Variants in AKAP12 observed in about 807,000 individuals in gnomAD.
AKAP12 encodes A-kinase anchor protein 12.
A neutral mutation model predicts 79.9 loss-of-function variants in AKAP12; 32 were observed. That is an observed-to-expected ratio of 0.40 (90% CI 0.30 to 0.54). The LOEUF is 0.54. Among genes scored for constraint, AKAP12 ranks in the 20% least tolerant of loss-of-function variants. The pLI, the probability that AKAP12 is intolerant of heterozygous loss-of-function variation, is 0.48. For synonymous variants in AKAP12, 808 were observed against 857.0 expected, an observed-to-expected ratio of 0.94 and a Z score of 1.00; for missense variants, 2,074 against 2,177.0, an observed-to-expected ratio of 0.95 and a Z score of 0.94.
At chr6:151,302,460 G>A (rs1776883189) in intron 2 of AKAP12, among the ~76,000 whole-genome samples, 1 of 152,150 alleles carries the variant, frequency 6.6e-6, no homozygotes, top group Non-Finnish European at 1.5e-5. Flanking sequence ...GCCCGGCTCA[G>A]TAACATTTCT....
At chr6:151,337,708 G>A (rs1381197764) in intron 3 of AKAP12, among the ~76,000 whole-genome samples, 2 of 151,806 alleles carry the variant, frequency 1.3e-5, no homozygotes, top group African/African-American at 2.4e-5. Flanking sequence ...ATCAGTCCAC[G>A]GGTTTCTGTT....
At chr6:151,288,549 T>C (rs1776553062) in intron 2 of AKAP12, among the ~76,000 whole-genome samples, 1 of 152,098 alleles carries the variant, frequency 6.6e-6, no homozygotes, top group South Asian at 2.1e-4. Context: ...ACGAGCACAT[T>C]GGTTAAATGG....
In AKAP12 at chr6:151,352,439, C is replaced by G; in HGVS notation, c.4048C>G (p.Pro1350Ala). Residue 1350 changes from proline (P) to alanine (A), a missense_variant, in exon 4 of 5, where the codon CCA (proline) becomes GCA (alanine). This residue lies in a region of AKAP12 where 614 missense variants were observed against 665.6 expected (regional missense o/e 0.92). Transcript: ENST00000402676. ...QVEREKTEAE[P>A]THVNEEKLEH... ...CGAAAGGGAGAAAACAGAAGCAGAG[C>G]CAACCCATGTGAATGAAGAGAAGCT... 1 of 1,614,132 alleles carries G rather than the reference C, an allele frequency of 6.2e-7. No individual in the cohort carries two copies. The highest frequency in any genetic ancestry group is 8.5e-7 in the Non-Finnish European group (1 of 1,180,022).
intron 2 of AKAP12, among the ~76,000 whole-genome samples, chr6:151,283,882 A>T (rs1409548676): frequency 6.6e-6 from 1 of 152,186 alleles, no homozygotes; most frequent in Non-Finnish European, 1.5e-5. Context: ...ACATCGACCC[A>T]TTCTGTCCAC....
chr6:151,241,592 G>T (rs1796978282), intron 2 of AKAP12, among the ~76,000 whole-genome samples: 1 of 152,138 alleles, frequency 6.6e-6, no homozygotes, highest in Non-Finnish European at 1.5e-5. Context: ...CAGGACAGCC[G>T]CCAAGACTGT....
rs2114838192 is a variant in AKAP12, at chr6:151,356,391, G to A, written c.*677G>A. On this transcript the variant is annotated 3_prime_UTR_variant, in exon 5 of 5. Coordinates refer to ENST00000402676, the MANE Select transcript of AKAP12 (RefSeq NM_005100.4). ...TTTGAAACATACAGAATGTTCTATTGTCATTGGGAAATTTTTCTTTCTAAC... is the reference window on the plus strand; with the variant it reads ...TTTGAAACATACAGAATGTTCTATTATCATTGGGAAATTTTTCTTTCTAAC... The A allele has an allele frequency of 6.6e-6, 1 of 152,468 alleles. No individual in the cohort carries two copies. The highest frequency in any genetic ancestry group is 3.4e-3 in the Middle Eastern group (1 of 294). 9.4% of individuals were successfully genotyped at this position (152,468 alleles called of 1,614,324 possible). A position where few individuals can be genotyped will look rare whatever the true frequency, so the allele number is the denominator to read the frequency against.
intron 3 of AKAP12, chr6:151,325,956 C>A: frequency 5.0e-6 from 8 of 1,610,048 alleles, no homozygotes; most frequent in Non-Finnish European, 6.8e-6. Context: ...GGGCTTTCTT[C>A]CGTTGAATGA....
At chr6:151,276,114 T>C (rs868047228) in intron 2 of AKAP12, among the ~76,000 whole-genome samples, 2 of 152,266 alleles carry the variant, frequency 1.3e-5, no homozygotes, top group African/African-American at 2.4e-5. Flanking sequence ...AACATACTTT[T>C]GGTGTAGTTT....
chr6:151,333,615 C>T (rs1435505311), intron 3 of AKAP12, among the ~76,000 whole-genome samples: 5 of 151,668 alleles, frequency 3.3e-5, no homozygotes, highest in African/African-American at 4.8e-5. Context: ...TGGTGGCGGG[C>T]GCCTGTGGTC....
chr6:151,325,333 T>C, intron 3 of AKAP12: 1 of 985,444 alleles, frequency 1.0e-6, no homozygotes, highest in Non-Finnish European at 1.2e-6. Flanking sequence ...TTGAAATGAC[T>C]TAAAAAGCTG....
chr6:151,354,405 G>C (rs912274948), intron 4 of AKAP12, among the ~76,000 whole-genome samples: 1 of 150,310 alleles, frequency 6.7e-6, no homozygotes, highest in Non-Finnish European at 1.5e-5. Flanking sequence ...ACGGAGTCTC[G>C]CTCTGTCATC....
chr6:151,305,902 G>A lies in AKAP12; in HGVS notation c.318G>A (p.Glu106=), dbSNP rs1442697649. The change falls in exon 3 of 5, where the codon GAG becomes GAA. Residue 106 remains glutamate, a splice_region_variant and synonymous_variant. Coordinates refer to ENST00000402676, the MANE Select transcript of AKAP12 (RefSeq NM_005100.4). ...AGGAAGAAGAAGTCATTGTCACAGA[G>A]GGTAAGCCGCCCCTCCAGGAACTGG... The part of the protein sequence containing the change: ...SQEEEEVIVT[E]VGQRDSEDVS... 1 of 1,603,712 alleles carries A rather than the reference G, an allele frequency of 6.2e-7. No individual in the cohort carries two copies. The highest frequency in any genetic ancestry group is 1.7e-5 in the Admixed American group (1 of 58,044).
chr6:151,254,674 A>G (rs1306859341), intron 2 of AKAP12, among the ~76,000 whole-genome samples: 2 of 152,150 alleles, frequency 1.3e-5, no homozygotes, highest in Non-Finnish European at 2.9e-5. Flanking sequence ...ATAATACAGA[A>G]AGCTCATTTA....
At chr6:151,319,518 CTCTATA>C (rs1777319314) in intron 3 of AKAP12, 1 of 133,184 alleles carries the variant, frequency 7.5e-6, no homozygotes, top group African/African-American at 3.3e-5. Flanking sequence ...ATAGATATAT[CTCTATA>C]TAGATATATA....
chr6:151,300,841 G>C (rs1253559941), intron 2 of AKAP12, among the ~76,000 whole-genome samples: 1 of 152,112 alleles, frequency 6.6e-6, no homozygotes, highest in African/African-American at 2.4e-5. Flanking sequence ...TTTGTTCAAA[G>C]GAGGCATTTG....
chr6:151,258,517 C>A (rs934181920), intron 2 of AKAP12, among the ~76,000 whole-genome samples: 1 of 152,096 alleles, frequency 6.6e-6, no homozygotes, highest in Non-Finnish European at 1.5e-5. Flanking sequence ...AAGGTTGTTT[C>A]TTTGTAAAAC....
rs1312377469 is a variant in AKAP12, at chr6:151,356,879, T to C, written c.*1165T>C. ...AGCTAGAACTTTCTGATGTAGTCAT[T>C]ACATGAAACCCCTTGTCACTGGTTT... On this transcript the variant is annotated 3_prime_UTR_variant, in exon 5 of 5. Coordinates refer to ENST00000402676, the MANE Select transcript of AKAP12 (RefSeq NM_005100.4). 6.6e-6 allele frequency: 1 copy of C among 152,226 alleles called. No individual in the cohort carries two copies. The highest frequency in any genetic ancestry group is 2.4e-5 in the African/African-American group (1 of 41,462). The allele number at this position is 152,226 out of a possible 1,614,324, so 9.4% of individuals were successfully genotyped here. A position where few individuals can be genotyped will look rare whatever the true frequency, so the allele number is the denominator to read the frequency against.
chr6:151,337,482 T>G (rs541624889), intron 3 of AKAP12, among the ~76,000 whole-genome samples: 82 of 131,944 alleles, frequency 6.2e-4, no homozygotes, highest in African/African-American at 2.5e-3. Context: ...GCCATTGCAC[T>G]CCAGGCTGGG....
intron 3 of AKAP12, among the ~76,000 whole-genome samples, chr6:151,332,038 T>TTTGTTTG (rs1349133707): frequency 2.1e-5 from 3 of 141,964 alleles, no homozygotes; most frequent in African/African-American, 8.0e-5. Flanking sequence ...GGTCTGTTTT[T>TTTGTTTG]TTTTTTTTTT....
Sources: allele counts gnomAD v4.1 joint callset (sites outside exome capture counted in the v4.1 genomes callset), GRCh38; gene constraint gnomAD v4.1.1; regional missense constraint gnomAD v4.1.1; transcripts MANE v1.5; gene names NCBI Gene and HGNC (gene_info 2026-07-23, HGNC 2026-07-21).